BRMS1L: variants seen among roughly 807,000 people sequenced by gnomAD.
BRMS1L encodes the protein breast cancer metastasis-suppressor 1-like protein.
BRMS1L carries 23 observed loss-of-function variants against 50.3 expected under a neutral mutation model. That is an observed-to-expected ratio of 0.46 (90% CI 0.33 to 0.65). The LOEUF is 0.65. BRMS1L is among the 30% of genes least tolerant of loss of function. The pLI is 0.02. For missense variants in BRMS1L, 286 were observed against 386.1 expected, an observed-to-expected ratio of 0.74 and a Z score of 2.17; for synonymous variants, 114 against 126.9, an observed-to-expected ratio of 0.90 and a Z score of 0.69.
At chr14:35,862,446 C>T (rs1286167026) in intron 4 of BRMS1L, 144 bp from the exon 5 acceptor site, 7 of 361,536 alleles carry the variant, frequency 1.9e-5, no homozygotes, top group Non-Finnish European at 3.5e-5. Flanking sequence ...ATGTATTTGA[C>T]ATTTCTTCTT....
intron 4 of BRMS1L, among the ~76,000 whole-genome samples, chr14:35,840,221 G>A (rs1271694486): frequency 1.3e-5 from 2 of 152,100 alleles, no homozygotes; most frequent in Non-Finnish European, 1.5e-5. Context: ...GTATGAAGCC[G>A]ACTTGATTAT....
At chr14:35,835,397 C>G (rs2077978273) in intron 4 of BRMS1L, among the ~76,000 whole-genome samples, 1 of 151,994 alleles carries the variant, frequency 6.6e-6, no homozygotes, top group Non-Finnish European at 1.5e-5. Flanking sequence ...TGCATTTAAC[C>G]CATTTATGCT....
intron 4 of BRMS1L, among the ~76,000 whole-genome samples, chr14:35,854,871 ATT>A (rs1188604609): frequency 6.6e-6 from 1 of 152,192 alleles, no homozygotes; most frequent in Non-Finnish European, 1.5e-5. Context: ...CCAATGACTA[ATT>A]TTGTGCTTGG....
intron 4 of BRMS1L, among the ~76,000 whole-genome samples, chr14:35,855,533 A>T (rs1324833552): frequency 1.3e-5 from 2 of 152,184 alleles, no homozygotes; most frequent in African/African-American, 4.8e-5. Context: ...TTTTATTTAA[A>T]CACATTGGTC....
intron 7 of BRMS1L, 136 bp downstream of exon 7, chr14:35,865,135 A>G: frequency 1.7e-6 from 1 of 573,256 alleles, no homozygotes; most frequent in Non-Finnish European, 3.0e-6. Context: ...AGGCAATTTA[A>G]TACTATTACA....
chr14:35,842,922 T>A (rs530076117), intron 4 of BRMS1L, among the ~76,000 whole-genome samples: 1 of 152,348 alleles, frequency 6.6e-6, no homozygotes, highest in East Asian at 1.9e-4. Flanking sequence ...TTTATTTCAT[T>A]AAGTTGATCT....
chr14:35,842,501 G>A (rs111426583), intron 4 of BRMS1L, among the ~76,000 whole-genome samples: 602 of 152,228 alleles, frequency 4.0e-3, no homozygotes, highest in Non-Finnish European at 5.8e-3. Flanking sequence ...ATTGAATATT[G>A]GCCTCCACTC....
At chr14:35,838,832 C>G (rs1595663305) in intron 4 of BRMS1L, among the ~76,000 whole-genome samples, 1 of 152,272 alleles carries the variant, frequency 6.6e-6, no homozygotes, top group South Asian at 2.1e-4. Flanking sequence ...CCTGTTCACT[C>G]TGATGATAGT....
chr14:35,847,055 A>G (rs2078144990), intron 4 of BRMS1L, among the ~76,000 whole-genome samples: 1 of 151,564 alleles, frequency 6.6e-6, no homozygotes, highest in Non-Finnish European at 1.5e-5. Context: ...GCTCACTGCA[A>G]CATCTGCCTC....
intron 4 of BRMS1L, among the ~76,000 whole-genome samples, chr14:35,835,188 C>T (rs1595661301): frequency 6.6e-6 from 1 of 152,106 alleles, no homozygotes; most frequent in East Asian, 1.9e-4. Context: ...ACGATTATGT[C>T]ACCTGGCATT....
At chr14:35,837,538 T>C (rs1455371974) in intron 4 of BRMS1L, among the ~76,000 whole-genome samples, 4 of 152,176 alleles carry the variant, frequency 2.6e-5, no homozygotes, top group African/African-American at 9.7e-5. Context: ...CTTGATACTC[T>C]TACTTTGCTC....
At chr14:35,866,395 C>T (rs1032630448) in intron 8 of BRMS1L, among the ~76,000 whole-genome samples, 10 of 152,110 alleles carry the variant, frequency 6.6e-5, no homozygotes, top group African/African-American at 1.9e-4. Context: ...CTTAAGTAAT[C>T]GATAAGAGAC....
chr14:35,826,545 A>G lies in BRMS1L; in HGVS notation c.29A>G (p.Lys10Arg). Reference sequence around the variant, plus strand: ...CCAGTCCATTCCCGAGGGGATAAGAAGGAGACCAACCATCACGATGAGATG... The same window carrying G: ...CCAGTCCATTCCCGAGGGGATAAGAGGGAGACCAACCATCACGATGAGATG... MPVHSRGDK[K>R]ETNHHDEMEV... is the part of the protein sequence containing the mutation. Residue 10 changes from lysine (K) to arginine (R), a missense_variant, in exon 1 of 10, where the codon AAG becomes AGG. By Grantham distance (26) the Lys-to-Arg change is conservative. Around this residue, in one of 5 missense-constraint regions of BRMS1L, gnomAD observed 66 missense variants for 67.8 expected, o/e 0.97. Coordinates refer to ENST00000216807, the MANE Select transcript of BRMS1L (RefSeq NM_032352.4). The G allele has an allele frequency of 1.2e-6, 2 of 1,600,540 alleles. No homozygotes were observed. The highest frequency in any genetic ancestry group is 1.7e-6 in the Non-Finnish European group (2 of 1,174,498).
intron 4 of BRMS1L, among the ~76,000 whole-genome samples, chr14:35,851,355 T>C (rs1213783555): frequency 6.9e-6 from 1 of 144,790 alleles, no homozygotes; most frequent in African/African-American, 2.7e-5. Flanking sequence ...ATGAAGTGAT[T>C]TCCAGATGTC....
At chr14:35,853,675 C>T (rs10162572) in intron 4 of BRMS1L, among the ~76,000 whole-genome samples, 9,118 of 152,180 alleles carry the variant, frequency 0.06, 574 homozygotes, top group African/African-American at 0.15. Flanking sequence ...GATCCTCCTG[C>T]CTCAGCCTCC....
At chr14:35,838,496 T>C (rs2142041999) in intron 4 of BRMS1L, among the ~76,000 whole-genome samples, 2 of 148,486 alleles carry the variant, frequency 1.3e-5, no homozygotes, top group African/African-American at 4.9e-5. Flanking sequence ...ACCAACAGTG[T>C]AAAAGCTTTC....
At chr14:35,832,868 T>C in intron 2 of BRMS1L, 110 bp from the exon 3 acceptor site, 1 of 970,594 alleles carries the variant, frequency 1.0e-6, no homozygotes, top group Non-Finnish European at 1.5e-6. Flanking sequence ...ATATATTTGA[T>C]AGATTATTAG....
At chr14:35,841,998 C>CTTTTTTTTTTTTTTTTT (rs574267347) in intron 4 of BRMS1L, among the ~76,000 whole-genome samples, 4 of 112,236 alleles carry the variant, frequency 3.6e-5, no homozygotes, top group African/African-American at 1.1e-4. Context: ...GCAATCTCTG[C>CTTTTTTTTTTTTTTTTT]TTTTTTTTTT....
Position 35,852,403 on chromosome 14 carries a change from T to G in BRMS1L, c.442-10187T>G, listed in dbSNP as rs549689963. Among the ~76,000 whole-genome samples, 22 of 152,336 alleles carry G rather than the reference T, an allele frequency of 1.4e-4. 1 individual carries two copies. The South Asian group carries it at 4.3e-3, about 30-fold the overall frequency. Reference sequence around the variant, plus strand: ...AGTGGTATTTTGATAGGGGTTGTGTTGAATCCGTAAATCACTTTGAGTAGT... The same window carrying G: ...AGTGGTATTTTGATAGGGGTTGTGTGGAATCCGTAAATCACTTTGAGTAGT... On this transcript the variant is annotated intron_variant, in intron 4 of 9. Coordinates refer to ENST00000216807, the MANE Select transcript of BRMS1L (RefSeq NM_032352.4).
Sources: gnomAD v4.1 joint callset for allele counts (sites outside exome capture counted in the v4.1 genomes callset) on GRCh38, gnomAD v4.1.1 for gene constraint, gnomAD v4.1.1 regional missense constraint, MANE v1.5 for transcripts, NCBI Gene and HGNC (gene_info 2026-07-23, HGNC 2026-07-21) for gene names.